Variants in LGSN observed in about 807,000 individuals in gnomAD.
LGSN encodes lengsin, lens protein with glutamine synthetase domain.
In LGSN, 21 loss-of-function variants were observed where a neutral mutation model predicts 19.5. The observed-to-expected ratio is 1.07, with a 90% CI of 0.76 to 1.55. The LOEUF is 1.55. Among genes scored for constraint, LGSN ranks in the 40% most tolerant of loss-of-function variants. The pLI is 0.00. For missense variants in LGSN, 673 were observed against 608.5 expected (o/e 1.11, Z -1.12); for synonymous variants, 257 against 215.6 (o/e 1.19, Z -1.68).
At chr6:63,560,338 C>CAAAAAAAAAAAAA in the LGSN span, among the ~76,000 whole-genome samples, 2 of 50,502 alleles carry the variant, frequency 4.0e-5, no homozygotes, top group African/African-American at 6.9e-5. Flanking sequence ...GACTCCGTCT[C>CAAAAAAAAAAAAA]AAAAAAAAAA....
the LGSN span, among the ~76,000 whole-genome samples, chr6:63,363,507 G>T: frequency 6.6e-6 from 1 of 152,298 alleles, no homozygotes; most frequent in Admixed American, 6.5e-5. Flanking sequence ...GTCCTTAAAT[G>T]ACCTGATGGA....
the LGSN span, among the ~76,000 whole-genome samples, chr6:63,536,008 G>A: frequency 0.01 from 1,528 of 151,356 alleles, 54 homozygotes; most frequent in East Asian, 0.078. Flanking sequence ...CGTGACATCA[G>A]GTGATCCACC....
the LGSN span, among the ~76,000 whole-genome samples, chr6:63,562,209 T>A: frequency 2.0e-5 from 3 of 151,472 alleles, no homozygotes; most frequent in Non-Finnish European, 4.4e-5. Flanking sequence ...TTCTTTTTTT[T>A]TTTTTTTGAG....
At chr6:63,440,293 C>T in the LGSN span, among the ~76,000 whole-genome samples, 1 of 152,174 alleles carries the variant, frequency 6.6e-6, no homozygotes, top group African/African-American at 2.4e-5. Context: ...TGGAGCCTCG[C>T]GAAGTTCAGG....
At chr6:63,526,546 A>C in the LGSN span, among the ~76,000 whole-genome samples, 35 of 151,974 alleles carry the variant, frequency 2.3e-4, no homozygotes, top group African/African-American at 8.5e-4. Flanking sequence ...GCAGTGGCTC[A>C]TGCCTGTAAT....
the LGSN span, among the ~76,000 whole-genome samples, chr6:63,393,787 T>C: frequency 6.6e-6 from 1 of 152,174 alleles, no homozygotes; most frequent in East Asian, 1.9e-4. Context: ...AAACTCCTCA[T>C]GTGTGTCTGT....
the LGSN span, among the ~76,000 whole-genome samples, chr6:63,341,185 C>G: frequency 6.6e-6 from 1 of 152,158 alleles, no homozygotes; most frequent in Non-Finnish European, 1.5e-5. Context: ...ATATAGGTAT[C>G]AGCAGAAGCA....
the LGSN span, among the ~76,000 whole-genome samples, chr6:63,518,233 A>G: frequency 1.3e-5 from 2 of 151,622 alleles, no homozygotes; most frequent in East Asian, 1.9e-4. Context: ...CACCTTTTCC[A>G]TAACTTTATT....
At chr6:63,289,156 C>A (rs1439902600) in intron 2 of LGSN, among the ~76,000 whole-genome samples, 1 of 152,180 alleles carries the variant, frequency 6.6e-6, no homozygotes, top group African/African-American at 2.4e-5. Flanking sequence ...AGTCACTCAA[C>A]AAATATTTTT....
the LGSN span, among the ~76,000 whole-genome samples, chr6:63,344,608 C>A: frequency 6.6e-6 from 1 of 152,016 alleles, no homozygotes; most frequent in East Asian, 1.9e-4. Flanking sequence ...TTCTGAAGGC[C>A]TGGGAGAGAT....
At chr6:63,487,919 G>A in the LGSN span, among the ~76,000 whole-genome samples, 1 of 151,816 alleles carries the variant, frequency 6.6e-6, no homozygotes, top group Non-Finnish European at 1.5e-5. Flanking sequence ...GATGGAGGTT[G>A]CAGTGAGCCG....
chr6:63,571,751 G>A, the LGSN span: 1 of 152,132 alleles, frequency 6.6e-6, no homozygotes, highest in Non-Finnish European at 1.5e-5. Context: ...AGTATAGAGA[G>A]GTGTGATCAA....
In LGSN at chr6:63,279,005, C is replaced by T. The variant is rs1156807778; in HGVS notation, c.*1016G>A. 4 of 152,164 alleles carry T rather than the reference C, an allele frequency of 2.6e-5. No homozygotes were observed. The highest frequency in any genetic ancestry group is 5.9e-5 in the Non-Finnish European group (4 of 68,030). The allele number at this position is 152,164 out of a possible 1,614,324, so 9.4% of individuals were successfully genotyped here. ...ATTTTGGACTTCTTCCCAAAAGCAGCTAAACTTTTGTGATAGTTACAATAT... is the reference window on the plus strand; with the variant it reads ...ATTTTGGACTTCTTCCCAAAAGCAGTTAAACTTTTGTGATAGTTACAATAT... On this transcript the variant is annotated 3_prime_UTR_variant, in exon 4 of 4. Coordinates refer to ENST00000370657, the MANE Select transcript of LGSN (RefSeq NM_016571.3).
the LGSN span, among the ~76,000 whole-genome samples, chr6:63,344,522 TAGA>T: frequency 4.6e-5 from 7 of 152,116 alleles, no homozygotes; most frequent in Non-Finnish European, 1.0e-4. Flanking sequence ...ATCCTACTTA[TAGA>T]AGAAGTGAAA....
chr6:63,468,348 G>A, the LGSN span, among the ~76,000 whole-genome samples: 10 of 151,792 alleles, frequency 6.6e-5, no homozygotes, highest in East Asian at 1.9e-4. Context: ...GGCTGGTCTC[G>A]AACTCCTGAC....
chr6:63,364,209 G>A, the LGSN span, among the ~76,000 whole-genome samples: 3 of 151,832 alleles, frequency 2.0e-5, no homozygotes, highest in East Asian at 1.9e-4. Context: ...ACACACATAC[G>A]CTCAAAATAA....
intron 2 of LGSN, among the ~76,000 whole-genome samples, chr6:63,288,700 C>T (rs1767647404): frequency 6.6e-6 from 1 of 152,202 alleles, no homozygotes; most frequent in African/African-American, 2.4e-5. Context: ...CCAAAGGTGT[C>T]AGCAGGATTG....
At chr6:63,491,893 G>A in the LGSN span, among the ~76,000 whole-genome samples, 9 of 152,264 alleles carry the variant, frequency 5.9e-5, no homozygotes, top group Middle Eastern at 3.4e-3. Context: ...GCCGGGCGTA[G>A]TGGTGTGTGC....
the LGSN span, among the ~76,000 whole-genome samples, chr6:63,412,702 A>G: frequency 2.6e-3 from 321 of 123,756 alleles, 7 homozygotes; most frequent in African/African-American, 0.01. Context: ...AAAGAAAGAA[A>G]GAAAGAGGGA....
Sources: allele counts gnomAD v4.1 joint callset (sites outside exome capture counted in the v4.1 genomes callset), GRCh38; gene constraint gnomAD v4.1.1; transcripts MANE v1.5; gene names NCBI Gene and HGNC (gene_info 2026-07-23, HGNC 2026-07-21).